Variants in MGAT4C observed in about 807,000 individuals in gnomAD.
The protein encoded by MGAT4C is MGAT4 family member C, also known as alpha-1,3-mannosyl-glycoprotein 4-beta-N-acetylglucosaminyltransferase C.
In MGAT4C, 19 loss-of-function variants were observed where a neutral mutation model predicts 40.1. That is an observed-to-expected ratio of 0.47 (90% confidence interval 0.33 to 0.70). MGAT4C has a LOEUF of 0.70. Ranked by LOEUF, MGAT4C falls within the 30% of genes least tolerant of loss-of-function variation. The pLI is 0.02. For missense variants in MGAT4C, 491 were observed against 563.2 expected (o/e 0.87, Z 1.30); for synonymous variants, 181 against 187.1 (o/e 0.97, Z 0.27).
intron 1 of MGAT4C, among the ~76,000 whole-genome samples, chr12:86,089,207 T>TA (rs1872445778): frequency 6.6e-6 from 1 of 152,000 alleles, no homozygotes; most frequent in Admixed American, 6.6e-5. Flanking sequence ...TTATGTGAAA[T>TA]ACATGTAAAC....
chr12:86,201,977 T>G (rs892536083), intron 1 of MGAT4C, among the ~76,000 whole-genome samples: 3 of 151,100 alleles, frequency 2.0e-5, no homozygotes, highest in African/African-American at 7.3e-5. Context: ...CAATTGTTCT[T>G]TTATATATTG....
chr12:86,438,891 C>A (rs1035029324), intron 2 of MGAT4C, among the ~76,000 whole-genome samples: 1 of 151,794 alleles, frequency 6.6e-6, no homozygotes, highest in African/African-American at 2.4e-5. Flanking sequence ...CAAAGAAGGT[C>A]ATTATATAAT....
At chr12:86,236,499 C>T (rs12306726) in intron 1 of MGAT4C, among the ~76,000 whole-genome samples, 12,343 of 151,970 alleles carry the variant, frequency 0.081, 625 homozygotes, top group Middle Eastern at 0.22. Flanking sequence ...TAACTATTGT[C>T]CTAAATTAAT....
intron 2 of MGAT4C, among the ~76,000 whole-genome samples, chr12:86,673,912 C>T (rs1964326577): frequency 6.6e-6 from 1 of 151,884 alleles, no homozygotes; most frequent in Non-Finnish European, 1.5e-5. Context: ...TGAAAGGTTA[C>T]TCTTCATCTT....
At chr12:86,273,813 G>A (rs1047482451) in intron 4 of MGAT4C, among the ~76,000 whole-genome samples, 1 of 152,078 alleles carries the variant, frequency 6.6e-6, no homozygotes, top group Non-Finnish European at 1.5e-5. Context: ...ATAATTCAAC[G>A]TATCATGAAA....
At chr12:86,323,469 C>A (rs983221715) in intron 4 of MGAT4C, among the ~76,000 whole-genome samples, 1 of 150,814 alleles carries the variant, frequency 6.6e-6, no homozygotes, top group African/African-American at 2.4e-5. Context: ...TATTTAGGAT[C>A]GTAAAATAAG....
At chr12:86,521,103 G>A (rs1392741939) in intron 2 of MGAT4C, among the ~76,000 whole-genome samples, 1 of 151,978 alleles carries the variant, frequency 6.6e-6, no homozygotes, top group Admixed American at 6.6e-5. Context: ...TTTTGCTTTT[G>A]TTGCAATTGT....
At chr12:86,347,415 C>T (rs1041836034) in intron 3 of MGAT4C, among the ~76,000 whole-genome samples, 2 of 152,142 alleles carry the variant, frequency 1.3e-5, no homozygotes, top group East Asian at 1.9e-4. Context: ...TCACTGAATT[C>T]GTGACTTATA....
At chr12:86,069,945 A>G (rs1395420016) in intron 1 of MGAT4C, among the ~76,000 whole-genome samples, 1 of 152,106 alleles carries the variant, frequency 6.6e-6, no homozygotes, top group Non-Finnish European at 1.5e-5. Context: ...ATTTATTGCT[A>G]AACAGTTGCC....
intron 1 of MGAT4C, among the ~76,000 whole-genome samples, chr12:86,089,981 G>T (rs567909617): frequency 6.6e-6 from 1 of 151,104 alleles, no homozygotes. Flanking sequence ...CTGATTGATC[G>T]GGTTTTCTAA....
intron 2 of MGAT4C, among the ~76,000 whole-genome samples, chr12:86,615,619 C>G (rs1197521953): frequency 6.6e-6 from 1 of 152,034 alleles, no homozygotes; most frequent in Admixed American, 6.6e-5. Flanking sequence ...AAGGTTAACT[C>G]TTTTAAACAG....
At chr12:85,986,766 A>G (rs1043368908) in intron 3 of MGAT4C, among the ~76,000 whole-genome samples, 5 of 152,202 alleles carry the variant, frequency 3.3e-5, no homozygotes, top group African/African-American at 1.2e-4. Flanking sequence ...GAGTTCAGAT[A>G]ATTTTATTAA....
At chr12:86,665,072 A>G (rs1441740332) in intron 2 of MGAT4C, among the ~76,000 whole-genome samples, 2 of 151,506 alleles carry the variant, frequency 1.3e-5, no homozygotes, top group African/African-American at 2.4e-5. Flanking sequence ...ACCTTGTTCT[A>G]TCTGGTCCAT....
At chr12:86,067,681 A>G (rs567550934) in intron 1 of MGAT4C, among the ~76,000 whole-genome samples, 1 of 152,304 alleles carries the variant, frequency 6.6e-6, no homozygotes, top group African/African-American at 2.4e-5. Context: ...CTTTCTGCAC[A>G]TGTACCCCAG....
intron 2 of MGAT4C, among the ~76,000 whole-genome samples, chr12:86,549,564 T>C (rs1365636004): frequency 6.6e-6 from 1 of 152,186 alleles, no homozygotes; most frequent in Non-Finnish European, 1.5e-5. Context: ...GACTGTTTTG[T>C]TTCTCATCCC....
intron 2 of MGAT4C, among the ~76,000 whole-genome samples, chr12:86,450,363 G>A (rs1233152840): frequency 3.3e-5 from 5 of 152,046 alleles, no homozygotes; most frequent in Non-Finnish European, 7.4e-5. Context: ...TTACTAATCT[G>A]TATAAATGTA....
intron 1 of MGAT4C, among the ~76,000 whole-genome samples, chr12:86,146,051 C>T (rs1883469412): frequency 6.6e-6 from 1 of 152,052 alleles, no homozygotes; most frequent in Admixed American, 6.6e-5. Flanking sequence ...TCCTTTTGAT[C>T]AGAAACATAA....
chr12:86,822,108 G>A (rs1274034709), intron 1 of MGAT4C, among the ~76,000 whole-genome samples: 2 of 151,008 alleles, frequency 1.3e-5, no homozygotes, highest in African/African-American at 4.8e-5. Context: ...TTGAATTTAA[G>A]TTGTTATCAG....
At chr12:86,357,078 G>A (rs993357779) in intron 3 of MGAT4C, among the ~76,000 whole-genome samples, 2 of 152,154 alleles carry the variant, frequency 1.3e-5, no homozygotes, top group Non-Finnish European at 2.9e-5. Flanking sequence ...TCCCAGTAGG[G>A]GCCGACTGAC....
Sources: gnomAD v4.1 joint callset for allele counts (sites outside exome capture counted in the v4.1 genomes callset) on GRCh38, gnomAD v4.1.1 for gene constraint, MANE v1.5 for transcripts, NCBI Gene and HGNC (gene_info 2026-07-23, HGNC 2026-07-21) for gene names.